The following TTC39A variants were observed in gnomAD, a reference collection of about 807,000 sequenced individuals.
The protein encoded by TTC39A is tetratricopeptide repeat domain 39A.
A neutral mutation model predicts 82.3 loss-of-function variants in TTC39A; 46 were observed. That is an observed-to-expected ratio of 0.56 (90% CI 0.44 to 0.71). The LOEUF (loss-of-function observed/expected upper bound fraction) is 0.71. Among genes scored for constraint, TTC39A ranks in the 30% least tolerant of loss-of-function variants. The pLI, the probability that TTC39A is intolerant of heterozygous loss-of-function variation, is 0.00. For synonymous variants in TTC39A, 254 were observed against 275.2 expected, an observed-to-expected ratio of 0.92 and a Z score of 0.76; for missense variants, 543 against 712.9, an observed-to-expected ratio of 0.76 and a Z score of 2.71.
chr1:51,310,599 G>A (rs1406250064), intron 5 of TTC39A, among the ~76,000 whole-genome samples: 2 of 152,138 alleles, frequency 1.3e-5, no homozygotes, highest in Non-Finnish European at 2.9e-5. Context: ...ATATAATGAT[G>A]ATAATATGTT....
At chr1:51,309,227 G>A in intron 6 of TTC39A, 34 bp downstream of exon 6, 1 of 1,577,798 alleles carries the variant, frequency 6.3e-7, no homozygotes, top group Non-Finnish European at 8.6e-7. Context: ...GTGGCCCAGG[G>A]TCTCCCCACA....
chr1:51,330,264 G>GC lies in TTC39A; in HGVS notation c.41+172dup, dbSNP rs910200486. 16 of 962,752 alleles carry GC rather than the reference G, an allele frequency of 1.7e-5. No individual in the cohort carries two copies. The African/African-American group carries it at 2.8e-4, about 17-fold the overall frequency. The allele number at this position is 962,752 out of a possible 1,614,324, so 59.6% of individuals were successfully genotyped here. A position where few individuals can be genotyped will look rare whatever the true frequency, so the allele number is the denominator to read the frequency against. ...CGCCTCCGCCTCCTCACAGCCCCCT[G>GC]CCCCCACTCCTGGCAGCGGCGGCGG... is the stretch of plus-strand genomic sequence containing the variant. On this transcript the variant is annotated intron_variant, in intron 1 of 17. Transcript: ENST00000680483. The surrounding 1 kb of genome is among the most constrained non-coding windows in gnomAD (Gnocchi z 4.5).
intron 12 of TTC39A, chr1:51,300,534 G>A (rs1035501007): frequency 6.6e-6 from 1 of 152,214 alleles, no homozygotes; most frequent in Non-Finnish European, 1.5e-5. Flanking sequence ...TATGGGCAGG[G>A]GATGAAGCCA....
Position 51,288,313 on chromosome 1 carries a change from C to T in TTC39A, c.1611-33G>A. 1 of 1,613,346 alleles carries T rather than the reference C, an allele frequency of 6.2e-7. No individual in the cohort carries two copies. The highest frequency in any genetic ancestry group is 8.5e-7 in the Non-Finnish European group (1 of 1,179,474). ...TGAGCAGCGAATCAGACACATGAGG[C>T]TGCCTGCTCCCAGAGATGCTTTTCC... On this transcript the variant is annotated intron_variant, in intron 17 of 17. Coordinates refer to ENST00000680483, the MANE Select transcript of TTC39A (RefSeq NM_001297663.2). The surrounding 1 kb of genome is among the most constrained non-coding windows in gnomAD (Gnocchi z 4.8).
upstream of TTC39A, among the ~76,000 whole-genome samples, chr1:51,333,010 C>G (rs1158563886): frequency 6.6e-6 from 1 of 152,132 alleles, no homozygotes; most frequent in Middle Eastern, 3.4e-3. Context: ...GTCAAGAGTT[C>G]GAGACCAGCC....
chr1:51,295,116 C>G (rs1011087559), intron 13 of TTC39A, among the ~76,000 whole-genome samples: 5 of 152,108 alleles, frequency 3.3e-5, no homozygotes, highest in Non-Finnish European at 5.9e-5. Flanking sequence ...CATTTAGGCT[C>G]AGGGAACAGC....
At chr1:51,339,798 T>G (rs1212313861) in intron 1 of TTC39A, among the ~76,000 whole-genome samples, 1 of 152,176 alleles carries the variant, frequency 6.6e-6, no homozygotes, top group Non-Finnish European at 1.5e-5. Flanking sequence ...TGTTATAGCC[T>G]GGCCTCAGCC....
intron 12 of TTC39A, chr1:51,298,242 G>A (rs1471722927): frequency 1.3e-5 from 2 of 152,282 alleles, no homozygotes; most frequent in African/African-American, 2.4e-5. Flanking sequence ...GACCCAGCCA[G>A]CGGGGTGGCC....
chr1:51,317,623 A>C (rs1235374536), intron 2 of TTC39A, among the ~76,000 whole-genome samples: 1 of 152,036 alleles, frequency 6.6e-6, no homozygotes, highest in Non-Finnish European at 1.5e-5. Context: ...GGTGGCGCGC[A>C]CCTGCAATCC....
rs550622139 is a variant in TTC39A at position 51,327,307 on chromosome 1, T to C, written c.41+3130A>G. Among the ~76,000 whole-genome samples the C allele has an allele frequency of 2.8e-4, 42 of 152,348 alleles. 1 individual carries two copies. Among genetic ancestry groups the C allele is most frequent in the Non-Finnish European group, 5.9e-5 (4 of 68,028 alleles). The stretch of plus-strand genomic sequence containing the variant: ...CCTGCTCCACCACTGAGGGGAACTT[T>C]GGCTCAACGAGTAAAATAATCTGCC... On this transcript the variant is annotated intron_variant, in intron 1 of 17. Transcript: ENST00000680483.
chr1:51,296,001 G>T, intron 13 of TTC39A, 78 bp downstream of exon 13: 5 of 1,488,462 alleles, frequency 3.4e-6, no homozygotes, highest in Non-Finnish European at 4.6e-6. Context: ...CACAGCTCAG[G>T]GTGGCCTGGC....
rs1045265392 is a variant in TTC39A, at chr1:51,294,883, A to G, written c.1146-372T>C. Among the ~76,000 whole-genome samples the G allele has an allele frequency of 6.6e-6, 1 of 152,156 alleles. No individual in the cohort carries two copies. The highest frequency in any genetic ancestry group is 2.4e-5 in the African/African-American group (1 of 41,432). Reference sequence around the variant, plus strand: ...CCCCAATTTCACAGGAGAGACCAACACTCGGAGAAAGGGTGGGACCTACCC... The same window carrying G: ...CCCCAATTTCACAGGAGAGACCAACGCTCGGAGAAAGGGTGGGACCTACCC... On this transcript the variant is annotated intron_variant, in intron 13 of 17. Coordinates refer to ENST00000680483, the MANE Select transcript of TTC39A (RefSeq NM_001297663.2). The surrounding 1 kb of genome is among the most constrained non-coding windows in gnomAD (Gnocchi z 4.3).
chr1:51,330,692 C>T, upstream of TTC39A: 1 of 919,286 alleles, frequency 1.1e-6, no homozygotes, highest in Non-Finnish European at 1.3e-6. This position sits in a 1 kb window ranked among gnomAD's most constrained non-coding sequence, Gnocchi z 4.5. Flanking sequence ...CGCTCCCGCA[C>T]CGCCGGGGGT....
At chr1:51,337,424 AT>A (rs1017474435) in intron 1 of TTC39A, among the ~76,000 whole-genome samples, 3,846 of 132,086 alleles carry the variant, frequency 0.029, 30 homozygotes, top group Admixed American at 0.036. Context: ...ATTCTGTTTA[AT>A]TTTTTTTTTT....
At chr1:51,311,387 C>T in intron 4 of TTC39A, 66 bp from the exon 5 acceptor site, 1 of 1,450,008 alleles carries the variant, frequency 6.9e-7, no homozygotes. Flanking sequence ...GGGACAAATC[C>T]TCACACCCCA....
At chr1:51,303,414 C>A (rs377216059) in intron 8 of TTC39A, among the ~76,000 whole-genome samples, 1 of 152,218 alleles carries the variant, frequency 6.6e-6, no homozygotes, top group Admixed American at 6.5e-5. Flanking sequence ...AAAGGCTTGG[C>A]GGGTCTGAGG....
chr1:51,323,345 C>A (rs1234425148), intron 1 of TTC39A, among the ~76,000 whole-genome samples: 1 of 152,206 alleles, frequency 6.6e-6, no homozygotes, highest in Non-Finnish European at 1.5e-5. Flanking sequence ...AACTCCTGGG[C>A]TCAAGTGATC....
rs1645873844 is a variant in TTC39A, at chr1:51,330,490, CGGGCGGCGCTGCCCCA to C, written c.-29_-14del. 3.3e-5 allele frequency: 32 copies of C among 983,216 alleles called. No individual in the cohort carries two copies. The South Asian group carries it at 1.5e-3, about 45-fold the overall frequency. 60.9% of individuals were successfully genotyped at this position (983,216 alleles called of 1,614,324 possible). ...CAGCCGAGGTCATCGCCGAGGGGCG[CGGGCGGCGCTGCCCCA>C]GCCGGACGCCAATCGCGGCCCAGGT... On this transcript the variant is annotated 5_prime_UTR_variant, in exon 1 of 18. Transcript: ENST00000680483. This position sits in a 1 kb window ranked among gnomAD's most constrained non-coding sequence, Gnocchi z 4.5.
chr1:51,320,712 C>T (rs954858813), intron 2 of TTC39A, among the ~76,000 whole-genome samples: 1 of 151,766 alleles, frequency 6.6e-6, no homozygotes, highest in Admixed American at 6.6e-5. Flanking sequence ...CTCGACCTCC[C>T]AAAGTGCTGG....
Sources: gnomAD v4.1 joint callset for allele counts (sites outside exome capture counted in the v4.1 genomes callset) on GRCh38, gnomAD v4.1.1 for gene constraint, Gnocchi (gnomAD v3.1) non-coding constraint, MANE v1.5 for transcripts, NCBI Gene and HGNC (gene_info 2026-07-23, HGNC 2026-07-21) for gene names.